The following KIF21A variants were observed in gnomAD, a reference collection of about 807,000 sequenced individuals.
KIF21A encodes kinesin-like protein KIF21A.
KIF21A carries 114 observed loss-of-function variants against 202.9 expected under a neutral mutation model. The ratio of observed to expected loss-of-function variants is 0.56; its 90% CI spans 0.48 to 0.66. The LOEUF is 0.66. KIF21A is among the 30% of genes least tolerant of loss of function. The pLI is 0.00. For missense variants in KIF21A, 1,677 were observed against 1,994.9 expected (o/e 0.84, Z 3.04); for synonymous variants, 667 against 670.8 (o/e 0.99, Z 0.09).
chr12:39,324,297 T>C (rs946834489), intron 26 of KIF21A, among the ~76,000 whole-genome samples: 6 of 152,154 alleles, frequency 3.9e-5, no homozygotes, highest in African/African-American at 1.4e-4. Context: ...TTAAGCCAGG[T>C]GGTTCTTTCA....
chr12:39,388,174 C>A (rs1337992827), intron 1 of KIF21A, among the ~76,000 whole-genome samples: 1 of 152,108 alleles, frequency 6.6e-6, no homozygotes, highest in African/African-American at 2.4e-5. Flanking sequence ...TAGATTAATA[C>A]CCTCCATGGC....
At chr12:39,371,567 A>G (rs1397581057) in intron 1 of KIF21A, among the ~76,000 whole-genome samples, 1 of 152,192 alleles carries the variant, frequency 6.6e-6, no homozygotes, top group Non-Finnish European at 1.5e-5. Context: ...TACTGTACCA[A>G]AGTTTTTAAA....
chr12:39,321,933 A>G (rs942305281), intron 27 of KIF21A: 3 of 152,202 alleles, frequency 2.0e-5, no homozygotes, highest in African/African-American at 7.2e-5. Flanking sequence ...CACACATGGT[A>G]CACATATGTA....
chr12:39,436,941 C>G (rs746303031), intron 1 of KIF21A, among the ~76,000 whole-genome samples: 11 of 152,168 alleles, frequency 7.2e-5, no homozygotes, highest in Non-Finnish European at 5.9e-5. Context: ...ATACTATCAT[C>G]TGCCATGCAT....
chr12:39,397,984 C>A (rs1215867497), intron 1 of KIF21A, among the ~76,000 whole-genome samples: 11 of 152,232 alleles, frequency 7.2e-5, no homozygotes, highest in Admixed American at 7.2e-4. Flanking sequence ...ACACAATATT[C>A]TTAGCCAGAC....
At chr12:39,387,161 TACACACACAC>T (rs3036323) in intron 1 of KIF21A, among the ~76,000 whole-genome samples, 101 of 138,238 alleles carry the variant, frequency 7.3e-4, no homozygotes, top group Middle Eastern at 3.6e-3. Context: ...ATGCAGTAGT[TACACACACAC>T]ACACACACAC....
At chr12:39,338,040 G>C (rs563092576) in intron 16 of KIF21A, among the ~76,000 whole-genome samples, 31 of 152,190 alleles carry the variant, frequency 2.0e-4, no homozygotes, top group African/African-American at 7.2e-4. Context: ...TAACTATAAA[G>C]CAGCCTCAGG....
chr12:39,310,784 T>C (rs923594970), intron 32 of KIF21A, among the ~76,000 whole-genome samples: 1 of 152,054 alleles, frequency 6.6e-6, no homozygotes, highest in African/African-American at 2.4e-5. Flanking sequence ...TCTTAGTCTA[T>C]AACTCTTCAA....
At chr12:39,419,852 C>T (rs1954094100) in intron 1 of KIF21A, among the ~76,000 whole-genome samples, 1 of 151,950 alleles carries the variant, frequency 6.6e-6, no homozygotes, top group Non-Finnish European at 1.5e-5. Context: ...AAATTGAAGA[C>T]CTAAAAGAAG....
intron 1 of KIF21A, among the ~76,000 whole-genome samples, chr12:39,435,731 C>G (rs974175024): frequency 6.6e-6 from 1 of 150,832 alleles, no homozygotes. Flanking sequence ...TGCCATAATC[C>G]TTTAGTCTGT....
At chr12:39,375,481 T>C (rs1950215177) in intron 1 of KIF21A, among the ~76,000 whole-genome samples, 3 of 152,138 alleles carry the variant, frequency 2.0e-5, no homozygotes, top group Admixed American at 2.0e-4. Flanking sequence ...GATAAGGTAA[T>C]GTCTTCATGA....
chr12:39,317,247 G>C (rs1944653930), intron 29 of KIF21A, among the ~76,000 whole-genome samples: 1 of 151,902 alleles, frequency 6.6e-6, no homozygotes, highest in Non-Finnish European at 1.5e-5. Context: ...AGTTTATAGA[G>C]CCATTTAAAA....
Position 39,303,188 on chromosome 12 carries a change from A to C in KIF21A, c.4561-53T>G, listed in dbSNP as rs567739526. 3.4e-6 allele frequency: 5 copies of C among 1,481,204 alleles called. No homozygotes were observed. In the South Asian group the frequency reaches 5.7e-5, roughly 17 times the overall value. 91.8% of individuals were successfully genotyped at this position (1,481,204 alleles called of 1,614,324 possible). A position where few individuals can be genotyped will look rare whatever the true frequency, so the allele number is the denominator to read the frequency against. On this transcript the variant is annotated intron_variant, in intron 35 of 37. Coordinates refer to ENST00000361418, the MANE Select transcript of KIF21A (RefSeq NM_001173464.2). ...CCTATTTAACTTGCAAATAAACACC[A>C]ATATTTGTACAGTCCTAGAAACACA...
At chr12:39,384,960 C>G (rs1950846810) in intron 1 of KIF21A, among the ~76,000 whole-genome samples, 1 of 152,146 alleles carries the variant, frequency 6.6e-6, no homozygotes, top group African/African-American at 2.4e-5. Context: ...AGTGTGTCAG[C>G]TTACTACTTG....
intron 7 of KIF21A, among the ~76,000 whole-genome samples, chr12:39,361,743 T>G (rs1227835269): frequency 2.0e-5 from 3 of 152,112 alleles, no homozygotes; most frequent in Non-Finnish European, 4.4e-5. Flanking sequence ...CCTGACCTCA[T>G]GATCTGCCCG....
chr12:39,328,256 G>A (rs913486083), intron 24 of KIF21A, among the ~76,000 whole-genome samples: 6 of 152,154 alleles, frequency 3.9e-5, no homozygotes, highest in Admixed American at 2.0e-4. Context: ...ACTGACAGAA[G>A]GTACATATGT....
intron 1 of KIF21A, among the ~76,000 whole-genome samples, chr12:39,395,833 A>C (rs1342054166): frequency 1.6e-5 from 2 of 128,980 alleles, no homozygotes; most frequent in Non-Finnish European, 3.2e-5. Context: ...CGAGAGCGAG[A>C]CTCCGTCTCA....
intron 1 of KIF21A, among the ~76,000 whole-genome samples, chr12:39,440,578 AT>A (rs1939427189): frequency 6.6e-6 from 1 of 152,256 alleles, no homozygotes; most frequent in South Asian, 2.1e-4. Flanking sequence ...AGAGACGGGT[AT>A]ATATCTTCAA....
rs1474111154 is a variant in KIF21A, at chr12:39,442,065, GA to G, written c.44+861del. 1.3e-5 allele frequency among the ~76,000 whole-genome samples: 2 copies of G among 152,098 alleles called. No homozygotes were observed. Among genetic ancestry groups the G allele is most frequent in the African/African-American group, 4.8e-5 (2 of 41,420 alleles). On this transcript the variant is annotated intron_variant, in intron 1 of 37. Coordinates refer to ENST00000361418, the MANE Select transcript of KIF21A (RefSeq NM_001173464.2). The surrounding 1 kb of genome is among the most constrained non-coding windows in gnomAD (Gnocchi z 5.0). ...CTTCTTGATAAGTATCAAAACAGCC[GA>G]AATTACATCGAATACTCGTGCCTGT...
Sources: gnomAD v4.1 joint callset for allele counts (sites outside exome capture counted in the v4.1 genomes callset) on GRCh38, gnomAD v4.1.1 for gene constraint, Gnocchi (gnomAD v3.1) non-coding constraint, MANE v1.5 for transcripts, NCBI Gene and HGNC (gene_info 2026-07-23, HGNC 2026-07-21) for gene names.